Variants in ARHGAP15 observed in about 807,000 individuals in gnomAD.
ARHGAP15 encodes the protein rho GTPase-activating protein 15.
A neutral mutation model predicts 63.7 loss-of-function variants in ARHGAP15; 51 were observed. That is an observed-to-expected ratio of 0.80 (90% CI 0.64 to 1.01). ARHGAP15 has a LOEUF of 1.01. Among genes scored for constraint, ARHGAP15 ranks in the 50% least tolerant of loss-of-function variants. The pLI is 0.00. For synonymous variants in ARHGAP15, 191 were observed against 193.8 expected, an observed-to-expected ratio of 0.99 and a Z score of 0.12; for missense variants, 560 against 564.6, an observed-to-expected ratio of 0.99 and a Z score of 0.08.
intron 13 of ARHGAP15, among the ~76,000 whole-genome samples, chr2:143,717,944 C>T (rs1198309075): frequency 6.6e-6 from 1 of 151,510 alleles, no homozygotes; most frequent in Non-Finnish European, 1.5e-5. Context: ...ACACAGAGTC[C>T]GATGGTAGCC....
intron 6 of ARHGAP15, among the ~76,000 whole-genome samples, chr2:143,266,920 G>T (rs1412619131): frequency 6.6e-6 from 1 of 152,094 alleles, no homozygotes; most frequent in Non-Finnish European, 1.5e-5. Flanking sequence ...ACAAATTTCT[G>T]TTGTTCAGTT....
chr2:143,720,254 TAAG>T (rs1425326063), intron 13 of ARHGAP15, among the ~76,000 whole-genome samples: 1 of 152,086 alleles, frequency 6.6e-6, no homozygotes, highest in Non-Finnish European at 1.5e-5. Context: ...CAGTTTAGTA[TAAG>T]AAGTGAACAA....
At position 143,711,445 on chromosome 2, in the gene ARHGAP15, T is replaced by C. The variant is rs549076358; in HGVS notation, c.1244+7921T>C. Among the ~76,000 whole-genome samples, 3 of 152,122 alleles carry C rather than the reference T, an allele frequency of 2.0e-5. No homozygotes were observed. The South Asian group carries it at 6.2e-4, about 32-fold the overall frequency. On this transcript the variant is annotated intron_variant, in intron 13 of 13. Coordinates refer to ENST00000295095, the MANE Select transcript of ARHGAP15 (RefSeq NM_018460.4). ...GGCTTGGCAGACAACAGACCTACTG[T>C]AGGGAGAGAGAATACTCTGTACAAG...
Position 143,266,308 on chromosome 2 carries a change from A to ACC in ARHGAP15, c.474+15708_474+15709insCC, listed in dbSNP as rs1471891771. 3.3e-5 allele frequency among the ~76,000 whole-genome samples: 5 copies of ACC among 152,282 alleles called. No individual in the cohort carries two copies. In the East Asian group the frequency reaches 7.7e-4, roughly 24 times the overall value. On this transcript the variant is annotated intron_variant, in intron 6 of 13. Coordinates refer to ENST00000295095, the MANE Select transcript of ARHGAP15 (RefSeq NM_018460.4). ...CAAGCAAAATTAATTTTTTCAATAT[A>ACC]ATACAAATCAAACTATGGTGAAAAT... is the stretch of plus-strand genomic sequence containing the variant.
At chr2:143,340,471 A>G (rs757658135) in intron 6 of ARHGAP15, among the ~76,000 whole-genome samples, 1 of 150,964 alleles carries the variant, frequency 6.6e-6, no homozygotes, top group Admixed American at 6.6e-5. Context: ...TGTAATTTTC[A>G]TTTGCTGTCT....
intron 11 of ARHGAP15, among the ~76,000 whole-genome samples, chr2:143,596,240 C>G (rs1378406168): frequency 6.6e-6 from 1 of 152,128 alleles, no homozygotes; most frequent in Non-Finnish European, 1.5e-5. Context: ...AGAGAACCAT[C>G]TAGTGCATCA....
chr2:143,427,412 T>A (rs1254636982), intron 6 of ARHGAP15, among the ~76,000 whole-genome samples: 1 of 152,170 alleles, frequency 6.6e-6, no homozygotes, highest in South Asian at 2.1e-4. Flanking sequence ...TGGACAGCAA[T>A]GAGCATCTTT....
chr2:143,544,037 C>T (rs529094713), intron 10 of ARHGAP15, among the ~76,000 whole-genome samples: 8 of 152,166 alleles, frequency 5.3e-5, no homozygotes, highest in East Asian at 1.9e-4. Flanking sequence ...TCTTTTTGTA[C>T]GAGTCCCAAA....
At chr2:143,359,279 A>C (rs954363721) in intron 6 of ARHGAP15, among the ~76,000 whole-genome samples, 1 of 152,172 alleles carries the variant, frequency 6.6e-6, no homozygotes, top group Non-Finnish European at 1.5e-5. Flanking sequence ...GGAATTTCTT[A>C]TAACCTTCCT....
intron 8 of ARHGAP15, chr2:143,471,972 A>G (rs529426852): frequency 6.6e-6 from 1 of 152,350 alleles, no homozygotes; most frequent in South Asian, 2.1e-4. Flanking sequence ...CCGTACTCAC[A>G]GCTCAGTTCC....
chr2:143,588,340 T>C (rs958917149), intron 11 of ARHGAP15, among the ~76,000 whole-genome samples: 2 of 152,200 alleles, frequency 1.3e-5, no homozygotes, highest in African/African-American at 4.8e-5. Flanking sequence ...CTTTTGTGAG[T>C]AGAAGAGACA....
intron 9 of ARHGAP15, among the ~76,000 whole-genome samples, chr2:143,498,162 C>A (rs944620762): frequency 1.3e-5 from 2 of 151,804 alleles, no homozygotes; most frequent in Non-Finnish European, 2.9e-5. Flanking sequence ...TTCTAAGATT[C>A]AAAAAAAACT....
chr2:143,350,891 C>T (rs1263501283), intron 6 of ARHGAP15: 1 of 149,780 alleles, frequency 6.7e-6, no homozygotes, highest in African/African-American at 2.5e-5. Flanking sequence ...GTAAGATGGC[C>T]TCAAGGAGCA....
rs896793026 is a variant in ARHGAP15, at chr2:143,590,877, T to A, written c.1004-33256T>A. ...GTGCCATGTATAGCTGCACATTTTT[T>A]ATCAAGTGGTGAGTATTCTTGTTGC... On this transcript the variant is annotated intron_variant, in intron 11 of 13. Coordinates refer to ENST00000295095, the MANE Select transcript of ARHGAP15 (RefSeq NM_018460.4). 2.6e-5 allele frequency among the ~76,000 whole-genome samples: 4 copies of A among 152,202 alleles called. 1 individual carries two copies. Among genetic ancestry groups the A allele is most frequent in the South Asian group, 4.1e-4 (2 of 4,830 alleles).
chr2:143,508,786 T>C (rs1256489097), intron 9 of ARHGAP15, among the ~76,000 whole-genome samples: 1 of 152,218 alleles, frequency 6.6e-6, no homozygotes, highest in Non-Finnish European at 1.5e-5. Flanking sequence ...CTGGCTGGTG[T>C]AATCACCAAA....
intron 6 of ARHGAP15, among the ~76,000 whole-genome samples, chr2:143,348,358 T>C (rs551689372): frequency 1.3e-5 from 2 of 152,322 alleles, no homozygotes; most frequent in African/African-American, 4.8e-5. Flanking sequence ...TCTACTCTGA[T>C]AGCCACACTA....
intron 8 of ARHGAP15, among the ~76,000 whole-genome samples, chr2:143,459,140 A>G (rs1370971739): frequency 6.6e-6 from 1 of 152,186 alleles, no homozygotes; most frequent in African/African-American, 2.4e-5. Context: ...AAGGGATGCC[A>G]GATTAAGACT....
chr2:143,288,827 G>T (rs1682244632), intron 6 of ARHGAP15, among the ~76,000 whole-genome samples: 1 of 151,894 alleles, frequency 6.6e-6, no homozygotes, highest in Non-Finnish European at 1.5e-5. Flanking sequence ...TCACCCAGTA[G>T]CAAGACACCC....
intron 2 of ARHGAP15, among the ~76,000 whole-genome samples, chr2:143,200,214 G>A (rs1692054402): frequency 6.6e-6 from 1 of 152,054 alleles, no homozygotes; most frequent in Non-Finnish European, 1.5e-5. Context: ...GCTTTCTGGA[G>A]TCTGTTCCTT....
Sources: gnomAD v4.1 joint callset for allele counts (sites outside exome capture counted in the v4.1 genomes callset) on GRCh38, gnomAD v4.1.1 for gene constraint, MANE v1.5 for transcripts, NCBI Gene and HGNC (gene_info 2026-07-23, HGNC 2026-07-21) for gene names.